The following BDKRB2 variants were observed in gnomAD, a reference collection of about 807,000 sequenced individuals.
The protein encoded by BDKRB2 is B2 bradykinin receptor.
A neutral mutation model predicts 4.0 loss-of-function variants in BDKRB2; 6 were observed. The observed-to-expected ratio is 1.49, with a 90% CI of 0.81 to 2.93. BDKRB2 has a LOEUF of 2.93. Among genes scored for constraint, BDKRB2 ranks in the 30% most tolerant of loss-of-function variants. The pLI is 0.00. For synonymous variants in BDKRB2, 225 were observed against 215.3 expected (o/e 1.05, Z -0.40); for missense variants, 478 against 520.1 (o/e 0.92, Z 0.79).
chr14:96,226,694 C>G (rs968729949), intron 1 of BDKRB2, among the ~76,000 whole-genome samples: 1 of 152,142 alleles, frequency 6.6e-6, no homozygotes, highest in Admixed American at 6.5e-5. Flanking sequence ...ATACCAAGAT[C>G]CTAGGAACTA....
intron 1 of BDKRB2, among the ~76,000 whole-genome samples, chr14:96,230,426 G>A (rs780246515): frequency 7.2e-5 from 11 of 152,194 alleles, no homozygotes; most frequent in South Asian, 2.1e-4. Context: ...ACGGAGTCTC[G>A]CTCTGTCGCC....
In BDKRB2 at chr14:96,243,284, A is replaced by G. The variant is rs531325959; in HGVS notation, c.*1780A>G. 3.4e-5 allele frequency: 5 copies of G among 145,618 alleles called. No homozygotes were observed. The East Asian group carries it at 8.0e-4, about 23-fold the overall frequency. 9.0% of individuals were successfully genotyped at this position (145,618 alleles called of 1,614,324 possible). A position where few individuals can be genotyped will look rare whatever the true frequency, so the allele number is the denominator to read the frequency against. ...TAGAACCTGGAGGGCTGGAATCTGG[A>G]GAGCTAGAACCTGGAGGGCTAGAAC... On this transcript the variant is annotated 3_prime_UTR_variant, in exon 3 of 3. Coordinates refer to ENST00000554311, the MANE Select transcript of BDKRB2 (RefSeq NM_001379692.1).
At chr14:96,206,425 C>T (rs868099465) in intron 1 of BDKRB2, among the ~76,000 whole-genome samples, 1 of 152,136 alleles carries the variant, frequency 6.6e-6, no homozygotes, top group Non-Finnish European at 1.5e-5. Context: ...AGGGAAATGC[C>T]TCAATCTCTT....
At chr14:96,239,804 C>T (rs1038001093) in intron 2 of BDKRB2, 2 of 985,228 alleles carry the variant, frequency 2.0e-6, no homozygotes, top group Non-Finnish European at 2.4e-6. Context: ...CTGCAAAGTC[C>T]CCACCCTCCC....
chr14:96,221,320 A>G (rs1346017014), intron 1 of BDKRB2, among the ~76,000 whole-genome samples: 3 of 152,182 alleles, frequency 2.0e-5, no homozygotes, highest in Admixed American at 2.0e-4. Context: ...CAATGTAAAC[A>G]GGGAAATGCT....
intron 1 of BDKRB2, among the ~76,000 whole-genome samples, chr14:96,228,178 G>T (rs1376533692): frequency 6.6e-6 from 1 of 152,226 alleles, no homozygotes; most frequent in African/African-American, 2.4e-5. Flanking sequence ...TGTGTGAGGG[G>T]AAGCATGCAA....
chr14:96,236,213 G>C (rs190953856), intron 1 of BDKRB2, among the ~76,000 whole-genome samples: 1 of 152,164 alleles, frequency 6.6e-6, no homozygotes, highest in East Asian at 1.9e-4. Flanking sequence ...GAAATACTCA[G>C]ATGTGTCTGT....
intron 1 of BDKRB2, among the ~76,000 whole-genome samples, chr14:96,216,264 C>T (rs559899021): frequency 6.6e-6 from 1 of 152,202 alleles, no homozygotes; most frequent in South Asian, 2.1e-4. Flanking sequence ...ACCAACTGAG[C>T]TACAAATCAC....
At chr14:96,238,892 G>GT (rs1298401009) in intron 2 of BDKRB2, 2 of 986,388 alleles carry the variant, frequency 2.0e-6, no homozygotes, top group African/African-American at 3.5e-5. Context: ...GGGCCGGGTG[G>GT]TGTCTTCTTT....
intron 1 of BDKRB2, among the ~76,000 whole-genome samples, chr14:96,229,902 G>A (rs79057437): frequency 0.03 from 4,496 of 152,216 alleles, 118 homozygotes; most frequent in East Asian, 0.12. Context: ...GCCGAGGCAG[G>A]TGGATCATGA....
chr14:96,215,443 C>T (rs73359921), intron 1 of BDKRB2, among the ~76,000 whole-genome samples: 1,579 of 147,872 alleles, frequency 0.011, 41 homozygotes, highest in African/African-American at 0.037. Context: ...CTTTTCCTGT[C>T]CTTTTGATTA....
chr14:96,238,353 C>A, intron 2 of BDKRB2: 1 of 672,590 alleles, frequency 1.5e-6, no homozygotes, highest in Non-Finnish European at 1.8e-6. Context: ...AGAAATCACA[C>A]ACCATCCCTG....
At chr14:96,213,907 C>T (rs1466163195) in intron 1 of BDKRB2, among the ~76,000 whole-genome samples, 1 of 152,208 alleles carries the variant, frequency 6.6e-6, no homozygotes, top group Non-Finnish European at 1.5e-5. Flanking sequence ...TGGGTCTTCC[C>T]ATCGCATCCT....
chr14:96,238,057 C>T, intron 2 of BDKRB2: 1 of 1,090,046 alleles, frequency 9.2e-7, no homozygotes, highest in Non-Finnish European at 1.1e-6. Context: ...CTTCAGAGGA[C>T]TCTGGAAAGG....
At chr14:96,224,392 C>A (rs1167658165) in intron 1 of BDKRB2, among the ~76,000 whole-genome samples, 1 of 152,184 alleles carries the variant, frequency 6.6e-6, no homozygotes, top group Admixed American at 6.5e-5. Context: ...TGCTCGTCTG[C>A]AAAATGGGGA....
In BDKRB2 at chr14:96,221,743, T is replaced by C. The variant is rs4905468; in HGVS notation, c.-39-15326T>C. 1.2e-3 allele frequency among the ~76,000 whole-genome samples: 187 copies of C among 151,960 alleles called. 1 individual carries two copies. The highest frequency in any genetic ancestry group is 2.1e-3 in the Non-Finnish European group (146 of 67,954). ...AGAGGCTGGGTAAGGACAAAGGACATTGGGACAGACAGAAAGCCTGACTCT... is the reference window on the plus strand; with the variant it reads ...AGAGGCTGGGTAAGGACAAAGGACACTGGGACAGACAGAAAGCCTGACTCT... On this transcript the variant is annotated intron_variant, in intron 1 of 2. Transcript: ENST00000554311.
At chr14:96,240,220 G>C (rs1885237090) in intron 2 of BDKRB2, 183 bp from the exon 3 acceptor site, 1 of 1,303,568 alleles carries the variant, frequency 7.7e-7, no homozygotes, top group South Asian at 3.1e-5. Context: ...GATCAGAGGG[G>C]GCTCTGTAAG....
At chr14:96,229,254 G>A (rs1319607478) in intron 1 of BDKRB2, among the ~76,000 whole-genome samples, 1 of 152,148 alleles carries the variant, frequency 6.6e-6, no homozygotes, top group African/African-American at 2.4e-5. Flanking sequence ...AGAGGTGGAA[G>A]AGAACCTTCT....
intron 1 of BDKRB2, among the ~76,000 whole-genome samples, chr14:96,207,426 A>T (rs557649678): frequency 5.2e-4 from 19 of 36,650 alleles, no homozygotes; most frequent in African/African-American, 1.6e-3. Context: ...AGTAAAAAAT[A>T]AAAAAAATCA....
Sources: allele counts gnomAD v4.1 joint callset (sites outside exome capture counted in the v4.1 genomes callset), GRCh38; gene constraint gnomAD v4.1.1; transcripts MANE v1.5; gene names NCBI Gene and HGNC (gene_info 2026-07-23, HGNC 2026-07-21).